PTPRD: variants seen among roughly 807,000 people sequenced by gnomAD.
PTPRD encodes the protein protein tyrosine phosphatase receptor type D.
PTPRD carries 34 observed loss-of-function variants against 214.5 expected under a neutral mutation model. That is an observed-to-expected ratio of 0.16 (90% confidence interval 0.12 to 0.21). The LOEUF (loss-of-function observed/expected upper bound fraction) is 0.21, where lower values mean the gene tolerates loss of function less well. Ranked by LOEUF, PTPRD falls within the 10% of genes least tolerant of loss-of-function variation. The pLI, the probability that PTPRD is intolerant of heterozygous loss-of-function variation, is 1.00. For synonymous variants in PTPRD, 1,128 were observed against 845.7 expected (o/e 1.33, Z -5.79); for missense variants, 2,545 against 2,398.7 (o/e 1.06, Z -1.27).
At chr9:10,246,552 G>GT (rs1240610394) in intron 3 of PTPRD, among the ~76,000 whole-genome samples, 1 of 152,108 alleles carries the variant, frequency 6.6e-6, no homozygotes, top group Non-Finnish European at 1.5e-5. Context: ...CAAGATACAT[G>GT]TTTTAAAATA....
At chr9:8,608,176 A>C (rs1328821374) in intron 14 of PTPRD, among the ~76,000 whole-genome samples, 1 of 151,926 alleles carries the variant, frequency 6.6e-6, no homozygotes, top group Non-Finnish European at 1.5e-5. Flanking sequence ...TTACATATTG[A>C]ATTGAAGATA....
At chr9:9,827,328 A>C (rs2053259105) in intron 5 of PTPRD, among the ~76,000 whole-genome samples, 1 of 152,142 alleles carries the variant, frequency 6.6e-6, no homozygotes, top group Non-Finnish European at 1.5e-5. Context: ...AATGGAACAG[A>C]ACAGAGCCCT....
chr9:9,116,470 G>A (rs1446336274), intron 10 of PTPRD, among the ~76,000 whole-genome samples: 1 of 152,050 alleles, frequency 6.6e-6, no homozygotes, highest in Non-Finnish European at 1.5e-5. Flanking sequence ...TCAGAAGTGG[G>A]GAGGGTAGGA....
intron 5 of PTPRD, among the ~76,000 whole-genome samples, chr9:9,843,742 A>C (rs2058852386): frequency 6.6e-6 from 1 of 152,066 alleles, no homozygotes; most frequent in Non-Finnish European, 1.5e-5. Context: ...AAAAATATGT[A>C]TAAAAACAAG....
intron 14 of PTPRD, among the ~76,000 whole-genome samples, chr9:8,553,578 T>C (rs903687917): frequency 3.9e-5 from 6 of 152,106 alleles, no homozygotes; most frequent in South Asian, 2.1e-4. Flanking sequence ...ACGAAAGCTA[T>C]AGAAAAGAAA....
At chr9:9,091,442 C>T (rs1218772335) in intron 10 of PTPRD, among the ~76,000 whole-genome samples, 2 of 152,144 alleles carry the variant, frequency 1.3e-5, no homozygotes, top group African/African-American at 4.8e-5. Context: ...GTTAGTCTTG[C>T]AGATTGTTTC....
intron 4 of PTPRD, among the ~76,000 whole-genome samples, chr9:10,024,636 T>TATC (rs2096885977): frequency 6.6e-6 from 1 of 151,986 alleles, no homozygotes; most frequent in African/African-American, 2.4e-5. Flanking sequence ...TTTTAAATTT[T>TATC]ATTATTATTA....
At chr9:9,652,937 C>T (rs2096402721) in intron 7 of PTPRD, among the ~76,000 whole-genome samples, 1 of 152,248 alleles carries the variant, frequency 6.6e-6, no homozygotes, top group South Asian at 2.1e-4. Context: ...TTTTAAAGTG[C>T]TAAATATTTT....
intron 3 of PTPRD, among the ~76,000 whole-genome samples, chr9:10,088,318 C>G (rs907965098): frequency 6.6e-6 from 1 of 151,738 alleles, no homozygotes; most frequent in African/African-American, 2.4e-5. Context: ...GAATTTCCAG[C>G]TGTGCTGAAA....
intron 2 of PTPRD, among the ~76,000 whole-genome samples, chr9:10,445,134 G>A (rs1291776858): frequency 6.6e-6 from 1 of 151,908 alleles, no homozygotes; most frequent in African/African-American, 2.4e-5. Context: ...GAAACAAAAG[G>A]AAAAGAGAGC....
At chr9:8,630,223 T>C (rs1359900989) in intron 14 of PTPRD, among the ~76,000 whole-genome samples, 1 of 151,736 alleles carries the variant, frequency 6.6e-6, no homozygotes, top group African/African-American at 2.4e-5. Flanking sequence ...GGACGAAAAG[T>C]GTAAAATGGT....
intron 34 of PTPRD, among the ~76,000 whole-genome samples, chr9:8,438,143 T>C (rs999735302): frequency 7.9e-5 from 12 of 152,176 alleles, no homozygotes; most frequent in African/African-American, 2.9e-4. Context: ...TGATGGCCAT[T>C]GAGTCAACAT....
intron 11 of PTPRD, among the ~76,000 whole-genome samples, chr9:8,751,189 T>A (rs995048913): frequency 6.6e-6 from 1 of 152,098 alleles, no homozygotes; most frequent in South Asian, 2.1e-4. Flanking sequence ...ATCAAATGAC[T>A]TTTTTTCTCC....
At chr9:8,565,168 A>AT (rs1337671723) in intron 14 of PTPRD, among the ~76,000 whole-genome samples, 1 of 151,380 alleles carries the variant, frequency 6.6e-6, no homozygotes, top group African/African-American at 2.5e-5. Flanking sequence ...TGAGTATAAG[A>AT]AATCATGGTC....
intron 12 of PTPRD, among the ~76,000 whole-genome samples, chr9:8,716,018 G>T (rs1430221599): frequency 6.6e-6 from 1 of 152,236 alleles, no homozygotes; most frequent in Non-Finnish European, 1.5e-5. Flanking sequence ...CTGCTCTTTA[G>T]CCTTAACAGG....
intron 3 of PTPRD, among the ~76,000 whole-genome samples, chr9:10,306,478 T>C (rs1343358490): frequency 6.6e-6 from 1 of 152,066 alleles, no homozygotes; most frequent in East Asian, 1.9e-4. Flanking sequence ...ACTTTCTAAA[T>C]AGTTCTCATT....
chr9:10,186,827 CA>C (rs918474005), intron 3 of PTPRD, among the ~76,000 whole-genome samples: 10 of 151,456 alleles, frequency 6.6e-5, no homozygotes, highest in African/African-American at 2.4e-5. Flanking sequence ...TACTGAAAAA[CA>C]AAAAAAACTC....
intron 7 of PTPRD, among the ~76,000 whole-genome samples, chr9:9,632,091 C>T (rs1202237757): frequency 6.6e-6 from 1 of 152,112 alleles, no homozygotes; most frequent in African/African-American, 2.4e-5. Flanking sequence ...CACATGAAAA[C>T]TTGTATGTGT....
At chr9:9,728,022 T>G (rs905779866) in intron 7 of PTPRD, among the ~76,000 whole-genome samples, 3 of 152,134 alleles carry the variant, frequency 2.0e-5, no homozygotes, top group Non-Finnish European at 2.9e-5. Flanking sequence ...TGGGGGCAGT[T>G]TCCCCCATAC....
Sources: gnomAD v4.1 joint callset for allele counts (sites outside exome capture counted in the v4.1 genomes callset) on GRCh38, gnomAD v4.1.1 for gene constraint, MANE v1.5 for transcripts, NCBI Gene and HGNC (gene_info 2026-07-23, HGNC 2026-07-21) for gene names.